Variants in KCNMA1 observed in about 807,000 individuals in gnomAD.
The protein encoded by KCNMA1 is Calcium-activated potassium channel subunit alpha-1.
In KCNMA1, 29 loss-of-function variants were observed where a neutral mutation model predicts 140.0. That is an observed-to-expected ratio of 0.21 (90% CI 0.15 to 0.28). KCNMA1 has a LOEUF of 0.28. KCNMA1 is among the 10% of genes least tolerant of loss of function. KCNMA1 has a pLI of 1.00. For synonymous variants in KCNMA1, 612 were observed against 611.9 expected (o/e 1.00, Z 0.00); for missense variants, 880 against 1,602.2 (o/e 0.55, Z 7.70).
At chr10:76,972,329 G>A (rs1456248157) in intron 19 of KCNMA1, among the ~76,000 whole-genome samples, 6 of 152,202 alleles carry the variant, frequency 3.9e-5, no homozygotes, top group Admixed American at 3.3e-4. Context: ...GTCACCAGAT[G>A]CTACCATGGT....
At chr10:76,944,113 C>G (rs2063314178) in intron 23 of KCNMA1, among the ~76,000 whole-genome samples, 1 of 152,160 alleles carries the variant, frequency 6.6e-6, no homozygotes, top group African/African-American at 2.4e-5. Context: ...GAAGGTTTTG[C>G]TGTGTTGCCT....
At chr10:77,025,236 G>A (rs2093290944) in intron 16 of KCNMA1, among the ~76,000 whole-genome samples, 1 of 12,916 alleles carries the variant, frequency 7.7e-5, no homozygotes, top group African/African-American at 2.1e-4. Context: ...GGAGAGGGGT[G>A]TGTGTGTATA....
At chr10:77,157,566 C>T (rs1017386636) in intron 5 of KCNMA1, among the ~76,000 whole-genome samples, 1 of 152,034 alleles carries the variant, frequency 6.6e-6, no homozygotes, top group Non-Finnish European at 1.5e-5. Context: ...TTTGAAAATA[C>T]ATAAGGAAGA....
At chr10:77,510,909 C>A (rs2048144299) in intron 1 of KCNMA1, among the ~76,000 whole-genome samples, 1 of 152,314 alleles carries the variant, frequency 6.6e-6, no homozygotes, top group Admixed American at 6.5e-5. Context: ...CATGTGGAAA[C>A]ACATGGAAAT....
intron 2 of KCNMA1, among the ~76,000 whole-genome samples, chr10:77,388,667 A>T (rs893071034): frequency 1.3e-5 from 2 of 152,234 alleles, no homozygotes; most frequent in Non-Finnish European, 2.9e-5. Context: ...TTGGGATTCA[A>T]AGTCTGACAA....
chr10:76,922,106 G>T (rs1270438491), intron 23 of KCNMA1, among the ~76,000 whole-genome samples: 1 of 152,148 alleles, frequency 6.6e-6, no homozygotes, highest in Non-Finnish European at 1.5e-5. Flanking sequence ...TAATGACAGT[G>T]CTTGGAAACT....
chr10:77,371,777 A>G (rs1603437687), intron 2 of KCNMA1, among the ~76,000 whole-genome samples: 1 of 152,166 alleles, frequency 6.6e-6, no homozygotes, highest in East Asian at 1.9e-4. Flanking sequence ...CACTTATTCA[A>G]TCTCTTCTCC....
intron 1 of KCNMA1, among the ~76,000 whole-genome samples, chr10:77,632,693 A>C (rs1049706921): frequency 1.3e-5 from 2 of 152,160 alleles, no homozygotes; most frequent in African/African-American, 2.4e-5. Flanking sequence ...TGGCTCAAAA[A>C]CTTTATTTGT....
intron 1 of KCNMA1, among the ~76,000 whole-genome samples, chr10:77,531,124 C>G (rs949303273): frequency 2.0e-5 from 3 of 152,096 alleles, no homozygotes; most frequent in African/African-American, 7.2e-5. Flanking sequence ...GGTGACGCAG[C>G]CAGAAAGCAC....
chr10:77,539,245 G>C (rs561780172), intron 1 of KCNMA1, among the ~76,000 whole-genome samples: 55 of 152,302 alleles, frequency 3.6e-4, no homozygotes, highest in African/African-American at 1.3e-3. Flanking sequence ...AGCATGATAG[G>C]TACTAACGTT....
intron 3 of KCNMA1, among the ~76,000 whole-genome samples, chr10:77,190,734 T>C (rs2098932171): frequency 6.6e-6 from 1 of 152,136 alleles, no homozygotes; most frequent in African/African-American, 2.4e-5. Flanking sequence ...GGGACACTAA[T>C]AATCCCCAGA....
intron 23 of KCNMA1, among the ~76,000 whole-genome samples, chr10:76,924,790 G>A (rs2057173219): frequency 6.6e-6 from 1 of 152,172 alleles, no homozygotes; most frequent in Non-Finnish European, 1.5e-5. Context: ...CATCTTGTAA[G>A]AGCTACTCAA....
intron 2 of KCNMA1, among the ~76,000 whole-genome samples, chr10:77,278,694 G>A (rs1431509804): frequency 5.3e-5 from 8 of 152,146 alleles, no homozygotes; most frequent in Admixed American, 2.6e-4. Context: ...TATAGGATTT[G>A]GTATGGTAAA....
At chr10:77,000,854 G>GAAA (rs147198441) in intron 19 of KCNMA1, among the ~76,000 whole-genome samples, 1 of 10,518 alleles carries the variant, frequency 9.5e-5, no homozygotes, top group African/African-American at 3.4e-4. Flanking sequence ...ATAGTAAAAA[G>GAAA]AAAATATATA....
intron 2 of KCNMA1, among the ~76,000 whole-genome samples, chr10:77,391,674 C>A (rs1452892626): frequency 6.6e-6 from 1 of 151,826 alleles, no homozygotes; most frequent in Non-Finnish European, 1.5e-5. Flanking sequence ...TCACTCTGGA[C>A]CCAGAGTCTA....
At chr10:77,439,405 C>T (rs1176162868) in intron 1 of KCNMA1, among the ~76,000 whole-genome samples, 2 of 152,184 alleles carry the variant, frequency 1.3e-5, no homozygotes, top group Non-Finnish European at 2.9e-5. Flanking sequence ...TCTTCTGAAA[C>T]CCACTCATCC....
Position 77,037,165 on chromosome 10 carries a change from G to C in KCNMA1, c.1859+2363C>G, listed in dbSNP as rs540038809. On this transcript the variant is annotated intron_variant, in intron 15 of 27. Coordinates refer to ENST00000286628, the MANE Select transcript of KCNMA1 (RefSeq NM_001161352.2). ...ACTAGTGCCAGCTCTTGAGCTGGCT[G>C]AAGGCCAGTGAAGTTCCACACCACC... Among the ~76,000 whole-genome samples, 6 of 152,306 alleles carry C rather than the reference G, an allele frequency of 3.9e-5. No homozygotes were observed. In the East Asian group the frequency reaches 1.2e-3, roughly 29 times the overall value.
chr10:77,284,229 A>G (rs1394793048), intron 2 of KCNMA1, among the ~76,000 whole-genome samples: 6 of 152,204 alleles, frequency 3.9e-5, no homozygotes, highest in Non-Finnish European at 7.3e-5. Context: ...GAGGTTTCCT[A>G]TGAAACTCTG....
At chr10:77,383,904 T>C (rs2095513719) in intron 2 of KCNMA1, among the ~76,000 whole-genome samples, 1 of 152,190 alleles carries the variant, frequency 6.6e-6, no homozygotes, top group Non-Finnish European at 1.5e-5. Context: ...TGACCACCGG[T>C]GTTGGACTGC....
Sources: allele counts gnomAD v4.1 joint callset (sites outside exome capture counted in the v4.1 genomes callset), GRCh38; gene constraint gnomAD v4.1.1; transcripts MANE v1.5; gene names NCBI Gene and HGNC (gene_info 2026-07-23, HGNC 2026-07-21).